The following KANK1 variants were observed in gnomAD, a reference collection of about 807,000 sequenced individuals.
KANK1 encodes the protein KN motif and ankyrin repeat domain-containing protein 1.
KANK1 carries 109 observed loss-of-function variants against 106.2 expected under a neutral mutation model. That is an observed-to-expected ratio of 1.03 (90% confidence interval 0.88 to 1.20). KANK1 has a LOEUF of 1.20. Ranked by LOEUF, KANK1 falls within the 50% of genes most tolerant of loss-of-function variation. KANK1 has a pLI of 0.00. For missense variants in KANK1, 2,399 were observed against 1,710.7 expected, an observed-to-expected ratio of 1.40 and a Z score of -7.10; for synonymous variants, 873 against 652.2, an observed-to-expected ratio of 1.34 and a Z score of -5.16.
intron 1 of KANK1, among the ~76,000 whole-genome samples, chr9:519,328 G>A (rs1019396142): frequency 6.6e-5 from 10 of 151,674 alleles, no homozygotes; most frequent in Admixed American, 1.3e-4. Flanking sequence ...AACTTCTCAG[G>A]ATCTGCCACA....
chr9:643,313 A>G (rs976602167), intron 1 of KANK1, among the ~76,000 whole-genome samples: 1 of 150,846 alleles, frequency 6.6e-6, no homozygotes, highest in Non-Finnish European at 1.5e-5. Flanking sequence ...CTTTTACTGT[A>G]GTTATTGTTT....
intron 1 of KANK1, among the ~76,000 whole-genome samples, chr9:545,051 A>C (rs1563745858): frequency 2.7e-5 from 4 of 150,254 alleles, no homozygotes. Flanking sequence ...AAAGGGGACA[A>C]ATGGCGGCTG....
chr9:606,326 G>A (rs1343341061), intron 1 of KANK1, among the ~76,000 whole-genome samples: 1 of 138,792 alleles, frequency 7.2e-6, no homozygotes, highest in Non-Finnish European at 1.5e-5. Context: ...GGAGGCCGAG[G>A]TGGGCAAATC....
At chr9:705,144 G>A (rs1466437036) in intron 2 of KANK1, among the ~76,000 whole-genome samples, 1 of 151,554 alleles carries the variant, frequency 6.6e-6, no homozygotes, top group Non-Finnish European at 1.5e-5. Context: ...AATATTTAAC[G>A]AACAACTTCT....
At chr9:606,516 A>G (rs989916050) in intron 1 of KANK1, among the ~76,000 whole-genome samples, 3 of 148,394 alleles carry the variant, frequency 2.0e-5, no homozygotes, top group South Asian at 4.2e-4. Context: ...AGATCCCGCC[A>G]TTGTACTCCA....
At chr9:631,744 T>A (rs1340968219) in intron 1 of KANK1, among the ~76,000 whole-genome samples, 1 of 152,200 alleles carries the variant, frequency 6.6e-6, no homozygotes, top group Admixed American at 6.5e-5. Context: ...ATTTAACTCC[T>A]CACACACCCC....
chr9:728,026 A>G (rs1454531893), intron 3 of KANK1, among the ~76,000 whole-genome samples: 1 of 152,142 alleles, frequency 6.6e-6, no homozygotes, highest in Non-Finnish European at 1.5e-5. Context: ...ACCAGCATTA[A>G]CATTAAAACA....
intron 3 of KANK1, among the ~76,000 whole-genome samples, chr9:493,223 G>A (rs2058405815): frequency 6.6e-6 from 1 of 151,024 alleles, no homozygotes; most frequent in Non-Finnish European, 1.5e-5. Context: ...CCACCATCTT[G>A]GTCATTCTTT....
intron 1 of KANK1, among the ~76,000 whole-genome samples, chr9:535,202 G>A (rs1255679615): frequency 6.6e-6 from 1 of 152,106 alleles, no homozygotes; most frequent in Non-Finnish European, 1.5e-5. Flanking sequence ...GTTTTCCTCA[G>A]ACCTCAGTAC....
At position 731,379 on chromosome 9, in the gene KANK1, G is replaced by A; in HGVS notation, c.3005+113G>A. The A allele has an allele frequency of 5.1e-6, 3 of 591,938 alleles. No individual in the cohort carries two copies. The East Asian group carries it at 9.2e-5, about 18-fold the overall frequency. 36.7% of individuals were successfully genotyped at this position (591,938 alleles called of 1,614,324 possible). A position where few individuals can be genotyped will look rare whatever the true frequency, so the allele number is the denominator to read the frequency against. On this transcript the variant is annotated intron_variant, in intron 5 of 11. Coordinates refer to ENST00000382297, the MANE Select transcript of KANK1 (RefSeq NM_015158.5). The stretch of plus-strand genomic sequence containing the variant: ...AAGCGGCCACAGCGCAGTGATGAAA[G>A]ATTCCCTCCTCAGAAAGGCAGAAAG...
Position 574,740 on chromosome 9 carries a change from A to G in KANK1, c.-84+69986A>G, listed in dbSNP as rs144177308. Among the ~76,000 whole-genome samples, 762 of 151,748 alleles carry G rather than the reference A, an allele frequency of 5.0e-3. 4 individuals carry two copies. Among genetic ancestry groups the G allele is most frequent in the African/African-American group, 0.018 (741 of 41,342 alleles). Reference sequence around the variant, plus strand: ...CATGGTGGCACGTGCCTGTGGTCCCAGCTACTTGGGAGGTTGAGGCAGGAG... The same window carrying G: ...CATGGTGGCACGTGCCTGTGGTCCCGGCTACTTGGGAGGTTGAGGCAGGAG... On this transcript the variant is annotated intron_variant, in intron 1 of 11. Coordinates refer to ENST00000382297, the MANE Select transcript of KANK1 (RefSeq NM_015158.5).
intron 7 of KANK1, chr9:735,701 A>T (rs768652680): frequency 9.3e-6 from 4 of 430,462 alleles, no homozygotes; most frequent in South Asian, 6.7e-5. Flanking sequence ...ATATCATAAT[A>T]CCTAATACAG....
intron 2 of KANK1, among the ~76,000 whole-genome samples, chr9:686,526 C>T (rs1379629738): frequency 2.0e-5 from 3 of 152,002 alleles, no homozygotes; most frequent in Admixed American, 6.5e-5. Context: ...GTACACTGGT[C>T]GGGGAGGGAG....
chr9:741,714 C>T (rs995826919), intron 9 of KANK1, among the ~76,000 whole-genome samples: 4 of 152,032 alleles, frequency 2.6e-5, no homozygotes, highest in Non-Finnish European at 5.9e-5. Flanking sequence ...GTCTTGATCT[C>T]CTGACCTCAT....
chr9:632,989 C>T lies in KANK1; in HGVS notation c.-83-43901C>T, dbSNP rs142764861. On this transcript the variant is annotated intron_variant, in intron 1 of 11. Transcript: ENST00000382297. ...GATTACAGGCGTGAGCCACTGCTCC[C>T]AGCCTGAGAGTGAGTGTTTTAGCAA... Among the ~76,000 whole-genome samples, 730 of 152,216 alleles carry T rather than the reference C, an allele frequency of 4.8e-3. 15 individuals carry two copies. Among genetic ancestry groups the T allele is most frequent in the African/African-American group, 0.016 (677 of 41,526 alleles).
At chr9:529,234 T>TATACAC (rs1554613765) in intron 1 of KANK1, among the ~76,000 whole-genome samples, 70 of 148,798 alleles carry the variant, frequency 4.7e-4, no homozygotes, top group African/African-American at 1.5e-3. Context: ...TATATATATA[T>TATACAC]ACACACACAC....
At chr9:609,596 C>G (rs1471680601) in intron 1 of KANK1, among the ~76,000 whole-genome samples, 2 of 152,040 alleles carry the variant, frequency 1.3e-5, no homozygotes, top group East Asian at 3.8e-4. Flanking sequence ...CTCCACTGTA[C>G]TCCAGCCTGG....
chr9:596,142 C>T (rs988991707), intron 1 of KANK1, among the ~76,000 whole-genome samples: 3 of 151,954 alleles, frequency 2.0e-5, no homozygotes, highest in South Asian at 4.1e-4. Flanking sequence ...TGGCTGTAAC[C>T]TGTCACATGA....
intron 8 of KANK1, among the ~76,000 whole-genome samples, chr9:740,580 C>T (rs528299826): frequency 6.6e-6 from 1 of 152,216 alleles, no homozygotes; most frequent in Non-Finnish European, 1.5e-5. Context: ...CGTTGTTTCT[C>T]TTGCTTCAGG....
Sources: gnomAD v4.1 joint callset for allele counts (sites outside exome capture counted in the v4.1 genomes callset) on GRCh38, gnomAD v4.1.1 for gene constraint, MANE v1.5 for transcripts, NCBI Gene and HGNC (gene_info 2026-07-23, HGNC 2026-07-21) for gene names.